Variants in TAFA2 observed in about 807,000 individuals in gnomAD.
The protein encoded by TAFA2 is chemokine-like protein TAFA-2.
TAFA2 carries 7 observed loss-of-function variants against 18.8 expected under a neutral mutation model. The ratio of observed to expected loss-of-function variants is 0.37; its 90% CI spans 0.21 to 0.70. The LOEUF (loss-of-function observed/expected upper bound fraction) is 0.70. TAFA2 is among the 30% of genes least tolerant of loss of function. The pLI is 0.53. For missense variants in TAFA2, 122 were observed against 158.1 expected (o/e 0.77, Z 1.23); for synonymous variants, 60 against 54.2 (o/e 1.11, Z -0.47).
chr12:62,010,996 C>T (rs557630788), intron 1 of TAFA2, among the ~76,000 whole-genome samples: 2 of 112,934 alleles, frequency 1.8e-5, no homozygotes, highest in Non-Finnish European at 3.5e-5. Context: ...CCGGCCACCC[C>T]GTCTGGGAAG....
intron 1 of TAFA2, among the ~76,000 whole-genome samples, chr12:62,047,558 G>A (rs1881941970): frequency 6.6e-6 from 1 of 152,012 alleles, no homozygotes; most frequent in Admixed American, 6.6e-5. Context: ...GTACTGTTAA[G>A]GTTTACTAAT....
chr12:62,145,400 T>G (rs906881850), intron 1 of TAFA2, among the ~76,000 whole-genome samples: 4 of 152,208 alleles, frequency 2.6e-5, no homozygotes, highest in African/African-American at 9.6e-5. Flanking sequence ...AAAATCTAAC[T>G]AATGCCTGAT....
chr12:61,940,103 A>G (rs1222490095), intron 1 of TAFA2, among the ~76,000 whole-genome samples: 1 of 152,252 alleles, frequency 6.6e-6, no homozygotes. Flanking sequence ...ACAGAACAGA[A>G]AAGCCCCAGG....
intron 1 of TAFA2, among the ~76,000 whole-genome samples, chr12:62,018,158 T>C (rs556157633): frequency 6.6e-6 from 1 of 152,292 alleles, no homozygotes; most frequent in East Asian, 1.9e-4. Context: ...TTTGAGAGAA[T>C]TGATAACATG....
intron 1 of TAFA2, among the ~76,000 whole-genome samples, chr12:62,212,804 C>T (rs564398626): frequency 6.6e-6 from 1 of 152,114 alleles, no homozygotes; most frequent in African/African-American, 2.4e-5. Context: ...TATAACTGTA[C>T]TGATACAACA....
At chr12:61,917,943 G>A (rs1469367798) in intron 1 of TAFA2, among the ~76,000 whole-genome samples, 2 of 152,162 alleles carry the variant, frequency 1.3e-5, no homozygotes, top group South Asian at 4.1e-4. Context: ...GTTCTAGAGA[G>A]GCAGTAGTGG....
chr12:62,174,208 C>T (rs552693720), intron 1 of TAFA2, among the ~76,000 whole-genome samples: 8 of 151,946 alleles, frequency 5.3e-5, no homozygotes, highest in Admixed American at 4.6e-4. Flanking sequence ...CCCAGCTACT[C>T]AGGAGGCTGA....
At chr12:62,210,842 AAG>A (rs1485538672) in intron 1 of TAFA2, among the ~76,000 whole-genome samples, 1 of 152,244 alleles carries the variant, frequency 6.6e-6, no homozygotes, top group Non-Finnish European at 1.5e-5. Context: ...AGCCAAAAAT[AAG>A]AGAACGTATA....
At chr12:62,139,918 A>G (rs995174363) in intron 1 of TAFA2, 1 of 152,180 alleles carries the variant, frequency 6.6e-6, no homozygotes, top group Non-Finnish European at 1.5e-5. Context: ...TTTCACTACC[A>G]TGTGGGTACT....
chr12:62,005,884 G>A (rs1318299388), intron 1 of TAFA2, among the ~76,000 whole-genome samples: 8 of 152,048 alleles, frequency 5.3e-5, no homozygotes, highest in African/African-American at 1.9e-4. Flanking sequence ...AAACATGTCT[G>A]AGAAAGAAAT....
intron 1 of TAFA2, among the ~76,000 whole-genome samples, chr12:62,145,902 C>T (rs913442838): frequency 6.6e-6 from 1 of 152,224 alleles, no homozygotes; most frequent in Non-Finnish European, 1.5e-5. Context: ...GTTGGCGATA[C>T]CCCCTTGGGT....
intron 1 of TAFA2, among the ~76,000 whole-genome samples, chr12:61,952,247 T>G (rs187532346): frequency 6.6e-6 from 1 of 152,120 alleles, no homozygotes; most frequent in Non-Finnish European, 1.5e-5. Context: ...TGTAAAAATG[T>G]CCCACCTATT....
Position 62,170,168 on chromosome 12 carries a change from C to T in TAFA2, c.-2+21091G>A, listed in dbSNP as rs539235164. Among the ~76,000 whole-genome samples, 10 of 152,152 alleles carry T rather than the reference C, an allele frequency of 6.6e-5. No homozygotes were observed. The East Asian group carries it at 1.9e-3, about 29-fold the overall frequency. On this transcript the variant is annotated intron_variant, in intron 1 of 4. Transcript: ENST00000416284. ...GACCCTAGGGCAAGACTTAATAGTACCCTTGATGACTAAAATAATTGATAT... is the reference window on the plus strand; with the variant it reads ...GACCCTAGGGCAAGACTTAATAGTATCCTTGATGACTAAAATAATTGATAT...
chr12:61,978,186 G>C (rs1174345103), intron 1 of TAFA2, among the ~76,000 whole-genome samples: 3 of 151,942 alleles, frequency 2.0e-5, no homozygotes, highest in Non-Finnish European at 4.4e-5. Flanking sequence ...GGATTAAAAA[G>C]AGATAATGTA....
intron 1 of TAFA2, among the ~76,000 whole-genome samples, chr12:62,064,069 G>A (rs1053410760): frequency 2.0e-5 from 3 of 152,032 alleles, no homozygotes; most frequent in Non-Finnish European, 4.4e-5. Context: ...TATGTGTCAT[G>A]ATCATTTTAG....
intron 1 of TAFA2, among the ~76,000 whole-genome samples, chr12:61,929,906 C>G (rs1351595267): frequency 1.3e-5 from 2 of 148,770 alleles, no homozygotes; most frequent in Non-Finnish European, 3.0e-5. Flanking sequence ...ATCACAAGGA[C>G]AAAAAGCCAA....
intron 1 of TAFA2, among the ~76,000 whole-genome samples, chr12:62,218,564 T>G (rs1278944751): frequency 6.6e-6 from 1 of 152,186 alleles, no homozygotes; most frequent in Non-Finnish European, 1.5e-5. Flanking sequence ...AAATTCTGAA[T>G]TTCATTCACT....
chr12:61,912,266 G>A (rs1157382172), intron 1 of TAFA2, among the ~76,000 whole-genome samples: 1 of 152,128 alleles, frequency 6.6e-6, no homozygotes, highest in Non-Finnish European at 1.5e-5. Flanking sequence ...ATAGAAAAAT[G>A]CATGCAGTTC....
chr12:61,872,492 T>C (rs968061107), intron 1 of TAFA2, among the ~76,000 whole-genome samples: 7 of 152,142 alleles, frequency 4.6e-5, no homozygotes, highest in African/African-American at 1.7e-4. Flanking sequence ...ATGATCATTA[T>C]AAAATGTAAA....
Sources: gnomAD v4.1 joint callset for allele counts (sites outside exome capture counted in the v4.1 genomes callset) on GRCh38, gnomAD v4.1.1 for gene constraint, MANE v1.5 for transcripts, NCBI Gene and HGNC (gene_info 2026-07-23, HGNC 2026-07-21) for gene names.